The following WHAMM variants were observed in gnomAD, a reference collection of about 807,000 sequenced individuals.
The protein encoded by WHAMM is WASP homolog associated with actin, golgi membranes and microtubules, also known as WASP homolog-associated protein with actin, membranes and microtubules.
WHAMM carries 67 observed loss-of-function variants against 76.5 expected under a neutral mutation model. The ratio of observed to expected loss-of-function variants is 0.88; its 90% CI spans 0.72 to 1.07. The LOEUF (loss-of-function observed/expected upper bound fraction) is 1.07. Ranked by LOEUF, WHAMM falls within the 50% of genes least tolerant of loss-of-function variation. The pLI is 0.00. For synonymous variants in WHAMM, 419 were observed against 422.1 expected, an observed-to-expected ratio of 0.99 and a Z score of 0.09; for missense variants, 1,021 against 1,051.1, an observed-to-expected ratio of 0.97 and a Z score of 0.40.
In WHAMM at chr15:82,816,823, G is replaced by A. The variant is rs1331895701; in HGVS notation, c.915G>A (p.Glu305=). ...IQDITVNYFK[E]TVKALAGMQK... is the part of the protein sequence containing the mutation. Reference sequence around the variant, plus strand: ...ATATCACAGTGAATTATTTTAAGGAGACAGTAAAAGCATTAGCAGGTGATA... The same window carrying A: ...ATATCACAGTGAATTATTTTAAGGAAACAGTAAAAGCATTAGCAGGTGATA... Residue 305 remains glutamate, a synonymous_variant, in exon 3 of 10, where the codon GAG becomes GAA. Transcript: ENST00000286760. The A allele has an allele frequency of 1.9e-5, 29 of 1,563,416 alleles. No homozygotes were observed. Among genetic ancestry groups the A allele is most frequent in the Admixed American group, 5.8e-5 (3 of 52,122 alleles).
At chr15:82,822,914 GTATA>G (rs1343906143) in intron 5 of WHAMM, among the ~76,000 whole-genome samples, 182 bp from the exon 6 acceptor site, 1 of 150,558 alleles carries the variant, frequency 6.6e-6, no homozygotes, top group East Asian at 2.0e-4. Context: ...TTACATACAT[GTATA>G]TAGTCATGTA....
chr15:82,824,996 G>C (rs764125000), intron 6 of WHAMM, among the ~76,000 whole-genome samples: 1 of 152,030 alleles, frequency 6.6e-6, no homozygotes, highest in African/African-American at 2.4e-5. Context: ...TCTATGGTGC[G>C]CACCTATAGT....
intron 6 of WHAMM, 140 bp downstream of exon 6, chr15:82,823,427 G>T: frequency 1.4e-6 from 1 of 696,160 alleles, no homozygotes. Context: ...CATGGCTATA[G>T]TTAAAATGCT....
rs778829896 is a variant in WHAMM, at chr15:82,830,994, A to G, written c.2037A>G (p.Pro679=). 2 of 1,581,018 alleles carry G rather than the reference A, an allele frequency of 1.3e-6. No homozygotes were observed. The highest frequency in any genetic ancestry group is 2.2e-5 in the South Asian group (2 of 90,160). Residue 679 remains proline, a synonymous_variant, in exon 9 of 10, where the codon CCA becomes CCG. Coordinates refer to ENST00000286760, the MANE Select transcript of WHAMM (RefSeq NM_001080435.3). ...ATCAGAACTTAGGCTTCCGGGCTCC[A>G]GTGAAAGATGACCAGCCACGTCCTC... ...ATHQNLGFRA[P]VKDDQPRPLV... is the part of the protein sequence containing the mutation.
Position 82,826,858 on chromosome 15 carries a change from A to AC in WHAMM, c.1641+12_1641+13insC. On this transcript the variant is annotated intron_variant, in intron 8 of 9. Transcript: ENST00000286760. ...GATCATTTAAAGATGTAAGTTCTAT[A>AC]AACAATCACCTCATCTACACTTCTG... The AC allele has an allele frequency of 6.7e-7, 1 of 1,493,820 alleles. No individual in the cohort carries two copies. Among genetic ancestry groups the AC allele is most frequent in the South Asian group, 1.3e-5 (1 of 74,566 alleles). 92.5% of individuals were successfully genotyped at this position (1,493,820 alleles called of 1,614,324 possible). A position where few individuals can be genotyped will look rare whatever the true frequency, so the allele number is the denominator to read the frequency against.
intron 1 of WHAMM, among the ~76,000 whole-genome samples, chr15:82,811,209 G>A (rs184003937): frequency 6.6e-6 from 1 of 152,174 alleles, no homozygotes; most frequent in Admixed American, 6.5e-5. Context: ...TGTACTGTGG[G>A]TTTTATGTGT....
chr15:82,826,523 C>G, intron 7 of WHAMM, 27 bp downstream of exon 7: 5 of 1,607,114 alleles, frequency 3.1e-6, no homozygotes, highest in Non-Finnish European at 4.3e-6. Flanking sequence ...GGAAAATGTT[C>G]TATGTTTGTG....
At chr15:82,831,689 G>A (rs2051034590) in intron 9 of WHAMM, among the ~76,000 whole-genome samples, 2 of 152,124 alleles carry the variant, frequency 1.3e-5, no homozygotes, top group African/African-American at 4.8e-5. Context: ...TCTTTAATAG[G>A]GCTATAGTTC....
chr15:82,810,597 T>G, intron 1 of WHAMM: 1 of 985,200 alleles, frequency 1.0e-6, no homozygotes, highest in Non-Finnish European at 1.2e-6. Flanking sequence ...GGCCCCCAAC[T>G]TTTGCCCTGA....
chr15:82,830,516 G>T, intron 8 of WHAMM, 83 bp from the exon 9 acceptor site: 1 of 1,533,876 alleles, frequency 6.5e-7, no homozygotes, highest in Admixed American at 2.0e-5. Flanking sequence ...AGAAACGGAT[G>T]TGTTTATAGA....
intron 2 of WHAMM, among the ~76,000 whole-genome samples, chr15:82,813,715 C>T (rs909906161): frequency 8.3e-5 from 10 of 120,296 alleles, no homozygotes; most frequent in African/African-American, 3.2e-4. Flanking sequence ...GGCTGGAGTG[C>T]AGTGGCATGA....
chr15:82,822,833 T>C (rs1197331350), intron 5 of WHAMM, among the ~76,000 whole-genome samples: 1 of 151,958 alleles, frequency 6.6e-6, no homozygotes, highest in Non-Finnish European at 1.5e-5. Flanking sequence ...TGTATATATA[T>C]ATATACACAC....
intron 2 of WHAMM, among the ~76,000 whole-genome samples, chr15:82,815,229 C>T (rs1300940831): frequency 1.4e-5 from 2 of 146,076 alleles, no homozygotes; most frequent in East Asian, 4.1e-4. Context: ...GACATTTTCA[C>T]CCCCAAAAGA....
At chr15:82,816,629 A>G (rs894775990) in intron 2 of WHAMM, 63 bp from the exon 3 acceptor site, 19 of 1,461,322 alleles carry the variant, frequency 1.3e-5, no homozygotes, top group Middle Eastern at 2.4e-4. Context: ...TTTCCTTTCA[A>G]TTTCCTAATG....
At chr15:82,827,577 A>G (rs1412498586) in intron 8 of WHAMM, among the ~76,000 whole-genome samples, 1 of 152,206 alleles carries the variant, frequency 6.6e-6, no homozygotes, top group Non-Finnish European at 1.5e-5. Flanking sequence ...ATAATGTGTA[A>G]TGATCAAATC....
chr15:82,810,459 G>A (rs1392322492), intron 1 of WHAMM, 124 bp downstream of exon 1: 2 of 1,222,988 alleles, frequency 1.6e-6, no homozygotes, highest in Non-Finnish European at 2.0e-6. Flanking sequence ...GGCGGAGAAG[G>A]CCGCGGGCTC....
Position 82,834,888 on chromosome 15 carries a change from C to T in WHAMM, c.*1352C>T, listed in dbSNP as rs1205848367. ...GATGGAGCAATAGTGTTATTTTCCT[C>T]AGGAACTGAAGTCTCATGCTGAAGT... is the stretch of plus-strand genomic sequence containing the variant. On this transcript the variant is annotated 3_prime_UTR_variant, in exon 10 of 10. Coordinates refer to ENST00000286760, the MANE Select transcript of WHAMM (RefSeq NM_001080435.3). 1 of 152,096 alleles carries T rather than the reference C, an allele frequency of 6.6e-6. No homozygotes were observed. Among genetic ancestry groups the T allele is most frequent in the Non-Finnish European group, 1.5e-5 (1 of 68,028 alleles). The allele number at this position is 152,096 out of a possible 1,614,324, so 9.4% of individuals were successfully genotyped here. A position where few individuals can be genotyped will look rare whatever the true frequency, so the allele number is the denominator to read the frequency against.
chr15:82,834,622 T>C lies in WHAMM; in HGVS notation c.*1086T>C, dbSNP rs1430860537. The C allele has an allele frequency of 1.3e-5, 2 of 152,666 alleles. No homozygotes were observed. The highest frequency in any genetic ancestry group is 2.4e-5 in the African/African-American group (1 of 41,470). 9.5% of individuals were successfully genotyped at this position (152,666 alleles called of 1,614,324 possible). A position where few individuals can be genotyped will look rare whatever the true frequency, so the allele number is the denominator to read the frequency against. On this transcript the variant is annotated 3_prime_UTR_variant, in exon 10 of 10. Transcript: ENST00000286760. ...TTTGTAGGCTTGAATGTGAATGTTA[T>C]TTTATCAGTAATCAGAATAAATTGC... is the stretch of plus-strand genomic sequence containing the variant.
intron 5 of WHAMM, among the ~76,000 whole-genome samples, chr15:82,822,800 T>C (rs1307661992): frequency 2.7e-5 from 4 of 150,070 alleles, no homozygotes; most frequent in Admixed American, 6.7e-5. Context: ...TGTGTAGCTA[T>C]GTAAGTAGTA....
Sources: gnomAD v4.1 joint callset for allele counts (sites outside exome capture counted in the v4.1 genomes callset) on GRCh38, gnomAD v4.1.1 for gene constraint, MANE v1.5 for transcripts, NCBI Gene and HGNC (gene_info 2026-07-23, HGNC 2026-07-21) for gene names.